Variants in DAGLA observed in about 807,000 individuals in gnomAD.
DAGLA encodes the protein diacylglycerol lipase-alpha.
Under a neutral mutation model 102.6 loss-of-function variants are expected in DAGLA, and 22 were observed. The observed-to-expected ratio is 0.21, with a 90% CI of 0.15 to 0.31. DAGLA has a LOEUF of 0.31. Among genes scored for constraint, DAGLA ranks in the 10% least tolerant of loss-of-function variants. The probability of loss-of-function intolerance (pLI) is 1.00; values close to 1 mark genes in which losing one functional copy is unlikely to be tolerated. For missense variants in DAGLA, 927 were observed against 1,446.6 expected, an observed-to-expected ratio of 0.64 and a Z score of 5.83; for synonymous variants, 578 against 628.9, an observed-to-expected ratio of 0.92 and a Z score of 1.21.
chr11:61,705,149 G>A (rs150968303), intron 1 of DAGLA, among the ~76,000 whole-genome samples: 26 of 152,310 alleles, frequency 1.7e-4, no homozygotes, highest in African/African-American at 2.4e-4. Context: ...TTCTCAAGGC[G>A]TTCCTCTGGG....
intron 17 of DAGLA, among the ~76,000 whole-genome samples, chr11:61,740,167 C>T (rs2065465015): frequency 6.6e-6 from 1 of 152,244 alleles, no homozygotes. Context: ...TCGGCTTCCT[C>T]CCCTGACACA....
chr11:61,736,573 G>A (rs1043718540), intron 13 of DAGLA, among the ~76,000 whole-genome samples: 1 of 152,238 alleles, frequency 6.6e-6, no homozygotes, highest in Non-Finnish European at 1.5e-5. Flanking sequence ...CCTGATTCAT[G>A]CCAGACACTA....
At chr11:61,736,196 C>A in intron 12 of DAGLA, 74 bp from the exon 13 acceptor site, 1 of 1,267,198 alleles carries the variant, frequency 7.9e-7, no homozygotes, top group Non-Finnish European at 1.2e-6. Flanking sequence ...GGTTCCTGAG[C>A]TGCAGGTCAC....
intron 3 of DAGLA, 49 bp downstream of exon 3, chr11:61,720,939 C>T (rs773510956): frequency 6.4e-7 from 1 of 1,550,746 alleles, no homozygotes; most frequent in Non-Finnish European, 8.8e-7. Context: ...TCCCACCTCT[C>T]CATTCACTCA....
At chr11:61,685,385 T>G (rs1443780000) in intron 1 of DAGLA, among the ~76,000 whole-genome samples, 2 of 152,232 alleles carry the variant, frequency 1.3e-5, no homozygotes, top group Admixed American at 6.5e-5. Flanking sequence ...GTAGGGAAGA[T>G]GTAATGGGTC....
intron 8 of DAGLA, among the ~76,000 whole-genome samples, chr11:61,731,097 G>A (rs2065369926): frequency 1.3e-5 from 2 of 152,230 alleles, no homozygotes; most frequent in East Asian, 3.8e-4. Flanking sequence ...GGTCTCTGAG[G>A]ATTCGTGTCC....
intron 1 of DAGLA, among the ~76,000 whole-genome samples, chr11:61,706,210 G>T (rs1474934722): frequency 6.6e-6 from 1 of 152,250 alleles, no homozygotes; most frequent in Non-Finnish European, 1.5e-5. Context: ...GAGAAGTTGG[G>T]GGCGGGGAAG....
At chr11:61,697,685 A>T (rs893599046) in intron 1 of DAGLA, among the ~76,000 whole-genome samples, 2 of 151,268 alleles carry the variant, frequency 1.3e-5, no homozygotes, top group African/African-American at 4.9e-5. Context: ...TATTTTTATT[A>T]TTTTTTTATT....
intron 17 of DAGLA, among the ~76,000 whole-genome samples, chr11:61,740,159 G>A (rs973393423): frequency 3.3e-5 from 5 of 152,212 alleles, no homozygotes; most frequent in Non-Finnish European, 5.9e-5. Context: ...CTCCAGGGTC[G>A]GCTTCCTCCC....
chr11:61,705,227 G>A (rs1320887906), intron 1 of DAGLA, among the ~76,000 whole-genome samples: 2 of 152,252 alleles, frequency 1.3e-5, no homozygotes, highest in Non-Finnish European at 2.9e-5. Flanking sequence ...GACAGCGCCA[G>A]TGTTACAGCG....
At chr11:61,729,427 G>A (rs1300189058) in intron 8 of DAGLA, among the ~76,000 whole-genome samples, 1 of 152,172 alleles carries the variant, frequency 6.6e-6, no homozygotes, top group Non-Finnish European at 1.5e-5. Flanking sequence ...GGGAAAGGTG[G>A]TGCCAGTAAC....
In DAGLA at chr11:61,739,547, C is replaced by G; in HGVS notation, c.1739C>G (p.Thr580Arg). ...EEVEVTTLAS[T>R]RLWTHPSDLT... ...GTAGAGGTGACCACCCTGGCCAGCA[C>G]GCGGCTCTGGACCCACCCCAGCGAC... The change falls in exon 17 of 20, where the codon ACG becomes AGG. Residue 580 changes from threonine to arginine, a missense_variant. Around this residue, in one of 4 missense-constraint regions of DAGLA, gnomAD observed 218 missense variants for 459.6 expected, o/e 0.47. Coordinates refer to ENST00000257215, the MANE Select transcript of DAGLA (RefSeq NM_006133.3). 1 of 1,614,160 alleles carries G rather than the reference C, an allele frequency of 6.2e-7. No individual in the cohort carries two copies. The highest frequency in any genetic ancestry group is 2.2e-5 in the East Asian group (1 of 44,880).
rs2065522299 is a variant in DAGLA, at chr11:61,744,698, TGG to T, written c.*212_*213del. On this transcript the variant is annotated 3_prime_UTR_variant, in exon 20 of 20. Transcript: ENST00000257215. ...GGTGGCTGGGATCTGGCCCCACAGA[TGG>T]GGAAAGATGGGGAAGGGTGTGGAGT... The T allele has an allele frequency of 1.9e-6, 1 of 533,410 alleles. No individual in the cohort carries two copies. The highest frequency in any genetic ancestry group is 3.7e-5 in the Admixed American group (1 of 27,348). 33.0% of individuals were successfully genotyped at this position (533,410 alleles called of 1,614,324 possible). A position where few individuals can be genotyped will look rare whatever the true frequency, so the allele number is the denominator to read the frequency against.
At chr11:61,726,128 A>G in intron 6 of DAGLA, 46 bp downstream of exon 6, 3 of 1,563,268 alleles carry the variant, frequency 1.9e-6, no homozygotes, top group Non-Finnish European at 2.6e-6. Flanking sequence ...TCCTGTGGTC[A>G]GGTGATTAAG....
chr11:61,741,069 G>A (rs2065474403), intron 18 of DAGLA, 93 bp from the exon 19 acceptor site: 1 of 1,269,034 alleles, frequency 7.9e-7, no homozygotes, highest in Admixed American at 2.3e-5. Context: ...GGCTTTGCTT[G>A]GCCTGAGAGG....
At chr11:61,692,293 G>A (rs192938370) in intron 1 of DAGLA, among the ~76,000 whole-genome samples, 49 of 152,280 alleles carry the variant, frequency 3.2e-4, no homozygotes, top group Admixed American at 1.3e-3. Context: ...AGGGGAGCCT[G>A]CAGCCAGCTC....
intron 18 of DAGLA, 134 bp from the exon 19 acceptor site, chr11:61,741,028 G>T: frequency 1.2e-6 from 1 of 803,008 alleles, no homozygotes; most frequent in East Asian, 2.6e-5. Context: ...GACCTCAGGA[G>T]GAGGAGAGTG....
chr11:61,713,231 G>T (rs572831040), intron 1 of DAGLA, among the ~76,000 whole-genome samples: 2 of 152,318 alleles, frequency 1.3e-5, no homozygotes, highest in Admixed American at 6.5e-5. Flanking sequence ...TTTGAGTTCA[G>T]AAACAGGCAT....
intron 1 of DAGLA, among the ~76,000 whole-genome samples, chr11:61,715,576 G>A (rs948932554): frequency 5.3e-5 from 8 of 152,212 alleles, no homozygotes; most frequent in African/African-American, 1.7e-4. Context: ...ACCTTAGGAC[G>A]AGGGGGCGAG....
Sources: gnomAD v4.1 joint callset for allele counts (sites outside exome capture counted in the v4.1 genomes callset) on GRCh38, gnomAD v4.1.1 for gene constraint, gnomAD v4.1.1 regional missense constraint, MANE v1.5 for transcripts, NCBI Gene and HGNC (gene_info 2026-07-23, HGNC 2026-07-21) for gene names.